CTNND2: variants seen among roughly 807,000 people sequenced by gnomAD.
The protein encoded by CTNND2 is catenin delta 2, also known as catenin delta-2.
Under a neutral mutation model 144.4 loss-of-function variants are expected in CTNND2, and 22 were observed. That is an observed-to-expected ratio of 0.15 (90% CI 0.11 to 0.22). The LOEUF (loss-of-function observed/expected upper bound fraction) is 0.22. CTNND2 is among the 10% of genes least tolerant of loss of function. The pLI, the probability that CTNND2 is intolerant of heterozygous loss-of-function variation, is 1.00. For synonymous variants in CTNND2, 751 were observed against 695.6 expected (o/e 1.08, Z -1.25); for missense variants, 1,353 against 1,618.8 (o/e 0.84, Z 2.82).
intron 9 of CTNND2, among the ~76,000 whole-genome samples, chr5:11,314,571 T>G (rs1193493598): frequency 1.3e-5 from 2 of 152,216 alleles, no homozygotes; most frequent in Non-Finnish European, 2.9e-5. Context: ...CTCTCTTTAT[T>G]GCCCAGGCTG....
At chr5:11,690,250 G>A (rs1427469547) in intron 2 of CTNND2, among the ~76,000 whole-genome samples, 1 of 152,034 alleles carries the variant, frequency 6.6e-6, no homozygotes. Context: ...TGTAACTGTT[G>A]ACAAATATTT....
chr5:11,146,610 T>C (rs1757268130), intron 12 of CTNND2, among the ~76,000 whole-genome samples: 1 of 152,246 alleles, frequency 6.6e-6, no homozygotes. Context: ...ACTAGAGTGA[T>C]ATTATTTATT....
intron 2 of CTNND2, among the ~76,000 whole-genome samples, chr5:11,590,106 C>T (rs370608196): frequency 1.9e-4 from 29 of 149,668 alleles, no homozygotes; most frequent in East Asian, 1.4e-3. Flanking sequence ...AGTGCAGTGA[C>T]GCGATCTAAG....
intron 3 of CTNND2, among the ~76,000 whole-genome samples, chr5:11,514,455 A>G (rs1444337817): frequency 6.6e-6 from 1 of 152,186 alleles, no homozygotes; most frequent in Non-Finnish European, 1.5e-5. Flanking sequence ...TAATATGTTT[A>G]AGAGCATGAA....
At chr5:11,202,483 C>T (rs1367035998) in intron 10 of CTNND2, among the ~76,000 whole-genome samples, 3 of 152,148 alleles carry the variant, frequency 2.0e-5, no homozygotes. Flanking sequence ...TCACCAGATC[C>T]TCTATATTAA....
intron 16 of CTNND2, among the ~76,000 whole-genome samples, chr5:11,041,891 T>C (rs917515121): frequency 1.3e-5 from 2 of 152,232 alleles, no homozygotes; most frequent in Non-Finnish European, 2.9e-5. Context: ...TACTTGATAC[T>C]CATCTCAGAG....
chr5:10,984,106 T>C (rs1288341267), intron 20 of CTNND2, among the ~76,000 whole-genome samples: 1 of 152,150 alleles, frequency 6.6e-6, no homozygotes, highest in Non-Finnish European at 1.5e-5. Context: ...TTCTTCCTAC[T>C]AAACACAGTG....
intron 2 of CTNND2, among the ~76,000 whole-genome samples, chr5:11,604,551 A>G (rs1193880469): frequency 2.0e-5 from 3 of 152,158 alleles, no homozygotes; most frequent in Non-Finnish European, 4.4e-5. Context: ...GTGAACCCCA[A>G]GCTTTGCAAG....
At chr5:11,415,118 G>A (rs557892554) in intron 3 of CTNND2, among the ~76,000 whole-genome samples, 32 of 152,230 alleles carry the variant, frequency 2.1e-4, no homozygotes, top group Admixed American at 3.9e-4. Context: ...TGGGATTGTC[G>A]GGTTGAATAG....
intron 11 of CTNND2, among the ~76,000 whole-genome samples, chr5:11,170,888 C>T (rs924056504): frequency 3.0e-4 from 45 of 152,154 alleles, no homozygotes; most frequent in African/African-American, 7.5e-4. Context: ...AGCAAAGGGT[C>T]GTATAACATG....
intron 6 of CTNND2, chr5:11,385,774 A>G (rs1759025774): frequency 6.6e-6 from 1 of 152,066 alleles, no homozygotes; most frequent in Non-Finnish European, 1.5e-5. Context: ...TTCTGTTGCT[A>G]TTGTCGCGTG....
intron 2 of CTNND2, among the ~76,000 whole-genome samples, chr5:11,599,685 C>T (rs1322361078): frequency 6.6e-6 from 1 of 152,092 alleles, no homozygotes; most frequent in Admixed American, 6.6e-5. Flanking sequence ...TAGATTTATA[C>T]CCGTGAGTAC....
chr5:11,892,262 G>A (rs1737033369), intron 1 of CTNND2, among the ~76,000 whole-genome samples: 1 of 152,204 alleles, frequency 6.6e-6, no homozygotes, highest in Non-Finnish European at 1.5e-5. Flanking sequence ...AGTACATATA[G>A]CACCAGTGCT....
At position 11,490,647 on chromosome 5, in the gene CTNND2, G is replaced by T. The variant is rs954911566; in HGVS notation, c.287+74297C>A. ...ATGCACACATGCACACACACACACA[G>T]AAACACACTATGTTTTAATTTTGGT... On this transcript the variant is annotated intron_variant, in intron 3 of 21. Coordinates refer to ENST00000304623, the MANE Select transcript of CTNND2 (RefSeq NM_001332.4). 3.3e-5 allele frequency among the ~76,000 whole-genome samples: 5 copies of T among 152,156 alleles called. No individual in the cohort carries two copies. The East Asian group carries it at 9.7e-4, about 29-fold the overall frequency.
intron 1 of CTNND2, among the ~76,000 whole-genome samples, chr5:11,818,230 A>C (rs535939326): frequency 6.6e-6 from 1 of 152,236 alleles, no homozygotes; most frequent in South Asian, 2.1e-4. Flanking sequence ...GGCTTTGACA[A>C]TATGGTAATG....
At chr5:11,890,880 A>T (rs1736903995) in intron 1 of CTNND2, among the ~76,000 whole-genome samples, 1 of 152,206 alleles carries the variant, frequency 6.6e-6, no homozygotes, top group Non-Finnish European at 1.5e-5. Context: ...GAGGGGAGAT[A>T]AGATAAAATA....
Position 11,620,844 on chromosome 5 carries a change from G to A in CTNND2, c.175-55788C>T, listed in dbSNP as rs899717221. On this transcript the variant is annotated intron_variant, in intron 2 of 21. Transcript: ENST00000304623. ...CAGGTGACACTTAGCCTAGTGGCTC[G>A]GAAGCCTATTCCCAGAATTTCTGGA... Among the ~76,000 whole-genome samples the A allele has an allele frequency of 7.9e-5, 12 of 152,128 alleles. No homozygotes were observed. In the East Asian group the frequency reaches 1.2e-3, roughly 15 times the overall value.
chr5:11,348,864 T>C (rs771546249), intron 8 of CTNND2, among the ~76,000 whole-genome samples: 14 of 152,190 alleles, frequency 9.2e-5, no homozygotes, highest in Non-Finnish European at 1.8e-4. Flanking sequence ...TTCAATTAAT[T>C]AAGCAGAAAC....
In CTNND2 at chr5:11,475,979, C is replaced by T. The variant is rs183281609; in HGVS notation, c.288-63910G>A. On this transcript the variant is annotated intron_variant, in intron 3 of 21. Coordinates refer to ENST00000304623, the MANE Select transcript of CTNND2 (RefSeq NM_001332.4). Reference sequence around the variant, plus strand: ...GGCTGAGGTGATCCTTCTACCTTAGCCTCCTGAGCAGCTGGGACTACAGGT... The same window carrying T: ...GGCTGAGGTGATCCTTCTACCTTAGTCTCCTGAGCAGCTGGGACTACAGGT... Among the ~76,000 whole-genome samples the T allele has an allele frequency of 3.0e-3, 455 of 152,080 alleles. 7 individuals are homozygous for T. The highest frequency in any genetic ancestry group is 0.011 in the African/African-American group (440 of 41,474).
Sources: allele counts gnomAD v4.1 joint callset (sites outside exome capture counted in the v4.1 genomes callset), GRCh38; gene constraint gnomAD v4.1.1; transcripts MANE v1.5; gene names NCBI Gene and HGNC (gene_info 2026-07-23, HGNC 2026-07-21).